The following ASIC2 variants were observed in gnomAD, a reference collection of about 807,000 sequenced individuals.
The protein encoded by ASIC2 is acid-sensing ion channel 2.
ASIC2 carries 25 observed loss-of-function variants against 57.3 expected under a neutral mutation model. The ratio of observed to expected loss-of-function variants is 0.44; its 90% CI spans 0.32 to 0.61. The LOEUF is 0.61. ASIC2 is among the 20% of genes least tolerant of loss of function. The pLI is 0.06. For missense variants in ASIC2, 641 were observed against 738.1 expected, an observed-to-expected ratio of 0.87 and a Z score of 1.52; for synonymous variants, 319 against 307.5, an observed-to-expected ratio of 1.04 and a Z score of -0.39.
At chr17:33,410,501 C>T (rs763541352) in intron 1 of ASIC2, among the ~76,000 whole-genome samples, 55 of 152,216 alleles carry the variant, frequency 3.6e-4, no homozygotes, top group Non-Finnish European at 5.9e-4. Flanking sequence ...TTGAGAACTA[C>T]TGCTTCTGGA....
chr17:33,772,716 C>G (rs1021119028), intron 1 of ASIC2, among the ~76,000 whole-genome samples: 1 of 152,170 alleles, frequency 6.6e-6, no homozygotes, highest in African/African-American at 2.4e-5. Flanking sequence ...TCAATATGCA[C>G]CAGGCACTTG....
At chr17:33,041,062 C>T (rs116089318) in intron 3 of ASIC2, among the ~76,000 whole-genome samples, 1,981 of 152,232 alleles carry the variant, frequency 0.013, 46 homozygotes, top group African/African-American at 0.046. Context: ...GAGCCCCTCC[C>T]GCTACCATCT....
intron 1 of ASIC2, among the ~76,000 whole-genome samples, chr17:33,119,321 T>C (rs2092292631): frequency 6.6e-6 from 1 of 152,194 alleles, no homozygotes; most frequent in Non-Finnish European, 1.5e-5. Context: ...TTCCGCTTTC[T>C]TCTCAGTGAG....
intron 1 of ASIC2, among the ~76,000 whole-genome samples, chr17:33,470,276 A>T (rs1044551686): frequency 1.6e-4 from 24 of 152,160 alleles, no homozygotes; most frequent in Non-Finnish European, 3.2e-4. Flanking sequence ...CTTAATCTGC[A>T]CTTCTAAAGC....
At chr17:33,255,651 G>T (rs981624586) in intron 1 of ASIC2, among the ~76,000 whole-genome samples, 1 of 152,086 alleles carries the variant, frequency 6.6e-6, no homozygotes, top group Non-Finnish European at 1.5e-5. Context: ...GATCTTTGTA[G>T]TGTTTTATTT....
At chr17:34,100,150 A>G (rs1910807036) in intron 1 of ASIC2, among the ~76,000 whole-genome samples, 2 of 150,252 alleles carry the variant, frequency 1.3e-5, no homozygotes, top group African/African-American at 2.5e-5. Context: ...CATGTGTAAC[A>G]TTACCTTAAT....
chr17:33,791,814 T>TTA (rs1911778807), intron 1 of ASIC2: 1 of 152,136 alleles, frequency 6.6e-6, no homozygotes, highest in African/African-American at 2.4e-5. Flanking sequence ...TTTATTTATT[T>TTA]TATTTTATTT....
chr17:33,429,542 C>T (rs924974326), intron 1 of ASIC2, among the ~76,000 whole-genome samples: 1 of 152,096 alleles, frequency 6.6e-6, no homozygotes, highest in Non-Finnish European at 1.5e-5. Context: ...AGGCGCCTGC[C>T]ACCATGCCCA....
intron 2 of ASIC2, among the ~76,000 whole-genome samples, chr17:33,101,721 T>C (rs1422543886): frequency 2.6e-5 from 4 of 152,210 alleles, no homozygotes; most frequent in Non-Finnish European, 4.4e-5. Context: ...AATATAGTGA[T>C]ATGATATTTT....
chr17:33,326,908 AT>A (rs1318450438), intron 1 of ASIC2, among the ~76,000 whole-genome samples: 1 of 152,144 alleles, frequency 6.6e-6, no homozygotes, highest in Non-Finnish European at 1.5e-5. Context: ...ACCCATCACA[AT>A]AACCTTTAAA....
intron 1 of ASIC2, among the ~76,000 whole-genome samples, chr17:33,124,393 T>G (rs1158267287): frequency 1.8e-4 from 27 of 152,196 alleles, no homozygotes; most frequent in Admixed American, 1.6e-3. Flanking sequence ...GCCACTCTCC[T>G]TTCTAGATCT....
intron 1 of ASIC2, among the ~76,000 whole-genome samples, chr17:33,732,337 G>C (rs1350903165): frequency 1.3e-5 from 2 of 152,128 alleles, no homozygotes; most frequent in Non-Finnish European, 2.9e-5. Flanking sequence ...CGCTGTCCTA[G>C]GTGCTGAATA....
At chr17:34,051,330 G>A (rs930140666) in intron 1 of ASIC2, among the ~76,000 whole-genome samples, 9 of 152,006 alleles carry the variant, frequency 5.9e-5, no homozygotes, top group African/African-American at 2.2e-4. Flanking sequence ...AAAATGCACA[G>A]GATCTGTTCT....
chr17:33,137,081 G>T (rs566923466), intron 1 of ASIC2, among the ~76,000 whole-genome samples: 264 of 152,296 alleles, frequency 1.7e-3, no homozygotes, highest in Admixed American at 3.4e-3. Context: ...AACAGTTATT[G>T]TTCCTACACG....
chr17:34,080,765 A>G (rs1352147430), intron 1 of ASIC2: 4 of 152,248 alleles, frequency 2.6e-5, no homozygotes, highest in Admixed American at 6.5e-5. Context: ...GGAGCAATCA[A>G]GACAGTCCTG....
chr17:33,284,441 G>A (rs1905069608), intron 1 of ASIC2, among the ~76,000 whole-genome samples: 2 of 152,086 alleles, frequency 1.3e-5, no homozygotes, highest in Non-Finnish European at 2.9e-5. Context: ...TTTGTCTGAG[G>A]GCAGAGGAGG....
intron 1 of ASIC2, among the ~76,000 whole-genome samples, chr17:33,472,187 T>C (rs1358944612): frequency 2.0e-5 from 3 of 152,046 alleles, no homozygotes; most frequent in Non-Finnish European, 4.4e-5. Flanking sequence ...GCCCAGCTAA[T>C]TTCTTTATTT....
intron 1 of ASIC2, among the ~76,000 whole-genome samples, chr17:34,046,449 A>G (rs1442248143): frequency 6.6e-6 from 1 of 152,246 alleles, no homozygotes; most frequent in East Asian, 1.9e-4. Flanking sequence ...TGTTAAAAAG[A>G]CATTTCATTT....
chr17:33,463,716 G>A (rs1320447761), intron 1 of ASIC2, among the ~76,000 whole-genome samples: 2 of 152,186 alleles, frequency 1.3e-5, no homozygotes, highest in Non-Finnish European at 2.9e-5. Context: ...TATGATTAGT[G>A]TCCCTAAGTC....
Sources: allele counts gnomAD v4.1 joint callset (sites outside exome capture counted in the v4.1 genomes callset), GRCh38; gene constraint gnomAD v4.1.1; transcripts MANE v1.5; gene names NCBI Gene and HGNC (gene_info 2026-07-23, HGNC 2026-07-21).